Variants in BBS12 observed in about 807,000 individuals in gnomAD.
BBS12 encodes the protein chaperonin-containing T-complex member BBS12.
Under a neutral mutation model 5.6 loss-of-function variants are expected in BBS12, and 5 were observed. The observed-to-expected ratio is 0.89, with a 90% CI of 0.46 to 1.86. BBS12 has a LOEUF of 1.86. Ranked by LOEUF, BBS12 falls within the 40% of genes most tolerant of loss-of-function variation. BBS12 has a pLI of 0.01. For synonymous variants in BBS12, 308 were observed against 306.8 expected (o/e 1.00, Z -0.04); for missense variants, 748 against 830.4 (o/e 0.90, Z 1.22).
chr4:122,729,153 C>T (rs968485361), upstream of BBS12: 4 of 152,742 alleles, frequency 2.6e-5, no homozygotes, highest in East Asian at 3.8e-4. Context: ...TCCCCTCCCC[C>T]ACAGGAGACA....
At chr4:122,715,051 G>A in the BBS12 span, among the ~76,000 whole-genome samples, 1 of 151,772 alleles carries the variant, frequency 6.6e-6, no homozygotes, top group African/African-American at 2.4e-5. Flanking sequence ...ACTTGAAGGA[G>A]AATGACAAAT....
chr4:122,704,466 C>G, the BBS12 span, among the ~76,000 whole-genome samples: 1 of 152,228 alleles, frequency 6.6e-6, no homozygotes, highest in Non-Finnish European at 1.5e-5. Flanking sequence ...TGGACCCTAG[C>G]TGGCGCCCAG....
chr4:122,711,911 C>A, the BBS12 span, among the ~76,000 whole-genome samples: 1 of 152,114 alleles, frequency 6.6e-6, no homozygotes, highest in East Asian at 1.9e-4. Flanking sequence ...GGGGAATCTG[C>A]TATCAATGTT....
chr4:122,714,609 G>A, the BBS12 span, among the ~76,000 whole-genome samples: 5 of 151,764 alleles, frequency 3.3e-5, no homozygotes, highest in South Asian at 4.2e-4. Flanking sequence ...GTGAAACCCC[G>A]TCTCTACCAA....
the BBS12 span, among the ~76,000 whole-genome samples, chr4:122,714,677 A>G: frequency 2.6e-5 from 4 of 152,002 alleles, no homozygotes; most frequent in Non-Finnish European, 5.9e-5. Flanking sequence ...TAAACAAGCT[A>G]ACTTCCTGTA....
In BBS12 at chr4:122,744,661, A is replaced by T. The variant is rs1800960157; in HGVS notation, c.*636A>T. 1 of 167,334 alleles carries T rather than the reference A, an allele frequency of 6.0e-6. No homozygotes were observed. Among genetic ancestry groups the T allele is most frequent in the Admixed American group, 6.5e-5 (1 of 15,296 alleles). 10.4% of individuals were successfully genotyped at this position (167,334 alleles called of 1,614,324 possible). On this transcript the variant is annotated 3_prime_UTR_variant, in exon 2 of 2. Transcript: ENST00000314218. ...ACTTGAATTTTCACATGAGTATGCC[A>T]CTCTATCAGCTACTCTGATTAACCT...
upstream of BBS12, chr4:122,728,606 A>T (rs1213262687): frequency 6.6e-6 from 1 of 152,232 alleles, no homozygotes; most frequent in African/African-American, 2.4e-5. Context: ...TAACATTTTC[A>T]CATATGAAGC....
At chr4:122,729,790 GC>G (rs1800674478), upstream of BBS12, 1 of 151,984 alleles carries the variant, frequency 6.6e-6, no homozygotes, top group African/African-American at 2.4e-5. Context: ...TACTAAAAAT[GC>G]AAAAAATTAG....
At chr4:122,702,152 A>C in the BBS12 span, among the ~76,000 whole-genome samples, 2 of 152,158 alleles carry the variant, frequency 1.3e-5, no homozygotes, top group African/African-American at 2.4e-5. Flanking sequence ...ATAACAGCTC[A>C]CTGCAGCCTT....
At chr4:122,738,356 G>A (rs1265620687) in intron 1 of BBS12, among the ~76,000 whole-genome samples, 1 of 152,070 alleles carries the variant, frequency 6.6e-6, no homozygotes, top group Non-Finnish European at 1.5e-5. Flanking sequence ...GACTACAGGT[G>A]CCTGTCACCA....
Position 122,742,527 on chromosome 4 carries a change from C to T in BBS12, c.635C>T (p.Thr212Ile). ...ACAAAGGTTGAAGCAGATAACAACA[C>T]ATCACGAACTCTGAAAAACAGCCTG... The part of the protein sequence containing the change: ...PQTKVEADNN[T>I]SRTLKNSLLA... Residue 212 changes from threonine (T) to isoleucine (I), a missense_variant, in exon 2 of 2, where the codon ACA (threonine) becomes ATA (isoleucine). By Grantham distance (89) the Thr-to-Ile change is moderately conservative. Transcript: ENST00000314218. 6.2e-7 allele frequency: 1 copy of T among 1,614,168 alleles called. No individual in the cohort carries two copies. Among genetic ancestry groups the T allele is most frequent in the East Asian group, 2.2e-5 (1 of 44,876 alleles).
chr4:122,742,701 A>C lies in BBS12; in HGVS notation c.809A>C (p.Glu270Ala), dbSNP rs915644000. The change falls in exon 2 of 2, where the codon GAG (glutamate) becomes GCG (alanine). Residue 270 changes from glutamate to alanine, a missense_variant. Coordinates refer to ENST00000314218, the MANE Select transcript of BBS12 (RefSeq NM_152618.3). ...ACTTACAGATGTAATGATTTGGTAGAGTTGGCAGTAGGCTTGAGTCATGGA... is the reference window on the plus strand; with the variant it reads ...ACTTACAGATGTAATGATTTGGTAGCGTTGGCAGTAGGCTTGAGTCATGGA... ...HKTYRCNDLV[E>A]LAVGLSHGDH... 1.1e-5 allele frequency: 18 copies of C among 1,614,128 alleles called. No individual in the cohort carries two copies. The African/African-American group carries it at 2.3e-4, about 20-fold the overall frequency.
At chr4:122,706,140 C>T in the BBS12 span, among the ~76,000 whole-genome samples, 3 of 152,130 alleles carry the variant, frequency 2.0e-5, no homozygotes, top group Admixed American at 6.6e-5. Context: ...TCCCACACAA[C>T]GTTTGTCTTC....
At chr4:122,738,951 T>C (rs1048900177) in intron 1 of BBS12, among the ~76,000 whole-genome samples, 3 of 152,208 alleles carry the variant, frequency 2.0e-5, no homozygotes, top group African/African-American at 4.8e-5. Context: ...ATAGTTTCTT[T>C]GTAGATGTAA....
At chr4:122,738,765 A>G (rs1284227693) in intron 1 of BBS12, among the ~76,000 whole-genome samples, 1 of 152,220 alleles carries the variant, frequency 6.6e-6, no homozygotes, top group Non-Finnish European at 1.5e-5. Context: ...AAGATGCTCA[A>G]TATGAGGAAA....
the BBS12 span, among the ~76,000 whole-genome samples, chr4:122,720,829 G>A: frequency 1.3e-5 from 2 of 149,652 alleles, no homozygotes; most frequent in South Asian, 4.4e-4. Context: ...CCACACTTGG[G>A]TACATCATAG....
At chr4:122,721,525 T>C in the BBS12 span, among the ~76,000 whole-genome samples, 1 of 152,360 alleles carries the variant, frequency 6.6e-6, no homozygotes, top group Admixed American at 6.5e-5. Flanking sequence ...ATTTTATTCA[T>C]GAATCTACAA....
chr4:122,716,132 T>C, the BBS12 span, among the ~76,000 whole-genome samples: 1 of 152,194 alleles, frequency 6.6e-6, no homozygotes, highest in Non-Finnish European at 1.5e-5. Flanking sequence ...AGAATGCTTA[T>C]TGATGTCACA....
At chr4:122,707,943 C>CCCTTCCTTCCTT in the BBS12 span, among the ~76,000 whole-genome samples, 792 of 143,210 alleles carry the variant, frequency 5.5e-3, 11 homozygotes, top group African/African-American at 0.019. Context: ...ACACTCCTTT[C>CCCTTCCTTCCTT]CCTTCCTTCC....
Sources: gnomAD v4.1 joint callset for allele counts (sites outside exome capture counted in the v4.1 genomes callset) on GRCh38, gnomAD v4.1.1 for gene constraint, MANE v1.5 for transcripts, NCBI Gene and HGNC (gene_info 2026-07-23, HGNC 2026-07-21) for gene names.